ETS1: variants seen among roughly 807,000 people sequenced by gnomAD.
ETS1 encodes ETS proto-oncogene 1, transcription factor.
A neutral mutation model predicts 58.6 loss-of-function variants in ETS1; 15 were observed. The ratio of observed to expected loss-of-function variants is 0.26; its 90% CI spans 0.17 to 0.39. The LOEUF is 0.39. Ranked by LOEUF, ETS1 falls within the 10% of genes least tolerant of loss-of-function variation. The pLI is 1.00. For synonymous variants in ETS1, 214 were observed against 218.2 expected (o/e 0.98, Z 0.17); for missense variants, 417 against 610.5 (o/e 0.68, Z 3.34).
chr11:128,462,239 C>T lies in ETS1; in HGVS notation c.*122G>A. The T allele has an allele frequency of 1.3e-6, 1 of 773,146 alleles. No individual in the cohort carries two copies. Among genetic ancestry groups the T allele is most frequent in the Non-Finnish European group, 2.1e-6 (1 of 480,874 alleles). The allele number at this position is 773,146 out of a possible 1,614,324, so 47.9% of individuals were successfully genotyped here. On this transcript the variant is annotated 3_prime_UTR_variant, in exon 10 of 10. Transcript: ENST00000392668. ...GCTGCAACTGACTTAGCTCCCACCC[C>T]TGAAGGTAAAAAATGAGTTCTGGAA...
intron 3 of ETS1, among the ~76,000 whole-genome samples, chr11:128,534,308 C>T (rs1863941208): frequency 6.6e-6 from 1 of 152,184 alleles, no homozygotes; most frequent in Non-Finnish European, 1.5e-5. Flanking sequence ...ATGTCCCATA[C>T]AGATGAGTAG....
At chr11:128,583,533 T>G (rs1431534389) in intron 1 of ETS1, among the ~76,000 whole-genome samples, 1 of 152,142 alleles carries the variant, frequency 6.6e-6, no homozygotes, top group Non-Finnish European at 1.5e-5. Context: ...CATTATATGT[T>G]TTTTTTTACA....
chr11:128,567,046 A>G (rs1864518294), intron 2 of ETS1, among the ~76,000 whole-genome samples: 1 of 152,232 alleles, frequency 6.6e-6, no homozygotes, highest in South Asian at 2.1e-4. Context: ...CGGAAGGAAG[A>G]AAGAAAATGT....
chr11:128,565,353 G>A (rs150021240), intron 2 of ETS1, among the ~76,000 whole-genome samples: 5 of 152,302 alleles, frequency 3.3e-5, no homozygotes, highest in Admixed American at 1.3e-4. Flanking sequence ...CACAGAGACT[G>A]CCAATGCCTT....
At chr11:128,492,966 C>G (rs1399947027) in intron 3 of ETS1, among the ~76,000 whole-genome samples, 1 of 152,210 alleles carries the variant, frequency 6.6e-6, no homozygotes. Flanking sequence ...CCTTCACCCC[C>G]ATCCAACACA....
At chr11:128,520,682 T>C (rs1863643066) in intron 3 of ETS1, among the ~76,000 whole-genome samples, 1 of 152,200 alleles carries the variant, frequency 6.6e-6, no homozygotes, top group African/African-American at 2.4e-5. Flanking sequence ...CTCAGCCTTC[T>C]GTGCACAGCA....
In ETS1 at chr11:128,462,070, T is replaced by A. The variant is rs1419476849; in HGVS notation, c.*291A>T. 2.6e-6 allele frequency: 1 copy of A among 378,278 alleles called. No individual in the cohort carries two copies. Among genetic ancestry groups the A allele is most frequent in the African/African-American group, 2.0e-5 (1 of 50,136 alleles). The allele number at this position is 378,278 out of a possible 1,614,324, so 23.4% of individuals were successfully genotyped here. A position where few individuals can be genotyped will look rare whatever the true frequency, so the allele number is the denominator to read the frequency against. On this transcript the variant is annotated 3_prime_UTR_variant, in exon 10 of 10. Transcript: ENST00000392668. ...TGATTTTTAAAAATGATTGGACACA[T>A]TAGTCTCTTTCTCTGTTAAGCCAGA... is the stretch of plus-strand genomic sequence containing the variant.
intron 7 of ETS1, 146 bp downstream of exon 7, chr11:128,484,677 A>G (rs1176516772): frequency 5.9e-6 from 4 of 683,218 alleles, no homozygotes; most frequent in Non-Finnish European, 9.8e-6. Context: ...AGTTCTTAGT[A>G]TCTGGACACT....
chr11:128,574,549 G>C (rs1385537571), intron 1 of ETS1, among the ~76,000 whole-genome samples: 4 of 152,166 alleles, frequency 2.6e-5, no homozygotes, highest in Non-Finnish European at 5.9e-5. Flanking sequence ...ATCTGCGTCA[G>C]GGGTCACTAC....
At chr11:128,574,261 C>G (rs1439514996) in intron 1 of ETS1, among the ~76,000 whole-genome samples, 4 of 152,228 alleles carry the variant, frequency 2.6e-5, no homozygotes, top group Non-Finnish European at 2.9e-5. Context: ...CTCCTGAAGT[C>G]ATAACTTATC....
intron 1 of ETS1, among the ~76,000 whole-genome samples, chr11:128,575,191 C>A (rs1490926313): frequency 6.6e-6 from 1 of 152,200 alleles, no homozygotes; most frequent in Non-Finnish European, 1.5e-5. Context: ...TATACATACA[C>A]ACCTATGATA....
chr11:128,568,305 C>T (rs966361400), intron 2 of ETS1, among the ~76,000 whole-genome samples: 3 of 152,254 alleles, frequency 2.0e-5, no homozygotes, highest in East Asian at 1.9e-4. Context: ...CAGCCCAGCC[C>T]GCTCATTCCC....
chr11:128,540,684 G>T (rs937683965), intron 3 of ETS1, among the ~76,000 whole-genome samples: 44 of 152,184 alleles, frequency 2.9e-4, no homozygotes, highest in African/African-American at 1.1e-3. Flanking sequence ...GAGAGAGGCT[G>T]CCCGGGAAAC....
At chr11:128,512,514 T>C (rs1159331067) in intron 3 of ETS1, among the ~76,000 whole-genome samples, 3 of 152,236 alleles carry the variant, frequency 2.0e-5, no homozygotes, top group Admixed American at 1.3e-4. Flanking sequence ...ATAACCCCCA[T>C]GTGCGGGCAC....
chr11:128,480,568 G>A lies in ETS1; in HGVS notation c.863-117C>T, dbSNP rs76920455. The A allele has an allele frequency of 1.4e-3, 1,017 of 708,980 alleles. 17 individuals carry two copies. In the African/African-American group the frequency reaches 0.016, roughly 11 times the overall value. 43.9% of individuals were successfully genotyped at this position (708,980 alleles called of 1,614,324 possible). On this transcript the variant is annotated intron_variant, in intron 7 of 9. Coordinates refer to ENST00000392668, the MANE Select transcript of ETS1 (RefSeq NM_001143820.2). ...TGCTAATCAGATCTGCAGGAAGGAC[G>A]GAAGAAGGGAGAGGCGAGTGGGAAC...
chr11:128,575,405 A>G (rs1864724774), intron 1 of ETS1, among the ~76,000 whole-genome samples: 1 of 152,172 alleles, frequency 6.6e-6, no homozygotes, highest in Non-Finnish European at 1.5e-5. Flanking sequence ...GGAAGGCAAA[A>G]CCACAGTTAA....
chr11:128,538,755 TACACACACACACAC>T (rs141065992), intron 3 of ETS1, among the ~76,000 whole-genome samples: 142 of 144,758 alleles, frequency 9.8e-4, no homozygotes, highest in African/African-American at 1.7e-3. Context: ...CATACACACA[TACACACACACACAC>T]ACACACACAC....
intron 3 of ETS1, among the ~76,000 whole-genome samples, chr11:128,490,866 G>C (rs552792898): frequency 6.9e-4 from 105 of 152,062 alleles, no homozygotes; most frequent in African/African-American, 2.4e-3. Flanking sequence ...TTATAGGCAT[G>C]TGCCACCATG....
At chr11:128,509,975 T>C (rs1308249798) in intron 3 of ETS1, among the ~76,000 whole-genome samples, 2 of 152,200 alleles carry the variant, frequency 1.3e-5, no homozygotes, top group Non-Finnish European at 2.9e-5. Flanking sequence ...TCTCTGTAAA[T>C]ATTAGCTTCA....
Sources: allele counts gnomAD v4.1 joint callset (sites outside exome capture counted in the v4.1 genomes callset), GRCh38; gene constraint gnomAD v4.1.1; transcripts MANE v1.5; gene names NCBI Gene and HGNC (gene_info 2026-07-23, HGNC 2026-07-21).